The following PCNX3 variants were observed in gnomAD, a reference collection of about 807,000 sequenced individuals.
PCNX3 encodes pecanex 3, also known as pecanex-like protein 3.
PCNX3 carries 58 observed loss-of-function variants against 207.2 expected under a neutral mutation model. The ratio of observed to expected loss-of-function variants is 0.28; its 90% CI spans 0.23 to 0.35. PCNX3 has a LOEUF of 0.35. Among genes scored for constraint, PCNX3 ranks in the 10% least tolerant of loss-of-function variants. PCNX3 has a pLI of 1.00. For synonymous variants in PCNX3, 1,337 were observed against 1,183.5 expected (o/e 1.13, Z -2.66); for missense variants, 2,410 against 2,774.4 (o/e 0.87, Z 2.95).
In PCNX3 at chr11:65,618,533, C is replaced by T. The variant is rs769740270; in HGVS notation, c.1171C>T (p.Pro391Ser). 7 of 1,611,248 alleles carry T rather than the reference C, an allele frequency of 4.3e-6. 1 individual carries two copies. The highest frequency in any genetic ancestry group is 1.7e-4 in the Middle Eastern group (1 of 6,056). The change falls in exon 6 of 35, where the codon CCT becomes TCT. Residue 391 changes from proline (P) to serine (S), a missense_variant. Physicochemically the swap from Pro to Ser is moderately conservative, Grantham distance 74. Transcript: ENST00000355703. ...GCCCAAGGACTTGGCCCTGCTACGG[C>T]CTAGCAAACGGCAGCCACCCCTGCG... is the stretch of plus-strand genomic sequence containing the variant. ...VRPKDLALLRPSKRQPPLRRH... is the reference protein window; with the variant it reads ...VRPKDLALLRSSKRQPPLRRH...
intron 20 of PCNX3, chr11:65,626,282 G>A (rs1203798731): frequency 1.4e-6 from 1 of 696,804 alleles, no homozygotes; most frequent in Non-Finnish European, 2.6e-6. Context: ...TGTTGCCCTG[G>A]TCCTGCCCTC....
rs1172838033 is a variant in PCNX3, at chr11:65,634,994, C to T, written c.4827C>T (p.Gly1609=). ...TTAGCCTGGAGCCCTTCCTCTACGG[C>T]CTGCACGCCCTGTTCAAGGGGGATT... ...MSASLEPFLY[G]LHALFKGDFR... The change falls in exon 30 of 35, where the codon GGC becomes GGT. Residue 1609 remains glycine, a synonymous_variant. Coordinates refer to ENST00000355703, the MANE Select transcript of PCNX3 (RefSeq NM_032223.4). The T allele has an allele frequency of 3.1e-6, 5 of 1,613,690 alleles. No homozygotes were observed. In the East Asian group the frequency reaches 8.9e-5, roughly 29 times the overall value.
At position 65,626,070 on chromosome 11, in the gene PCNX3, T is replaced by G; in HGVS notation, c.3379+16T>G. The G allele has an allele frequency of 6.3e-7, 1 of 1,587,438 alleles. No homozygotes were observed. Among genetic ancestry groups the G allele is most frequent in the Non-Finnish European group, 8.6e-7 (1 of 1,168,542 alleles). ...GAAGTGCGCGGTGAGTGCCCACCCC[T>G]GATGGCCAGGCCTGGGCAGTGGCTC... On this transcript the variant is annotated intron_variant, in intron 20 of 34. Transcript: ENST00000355703.
chr11:65,623,706 C>T, intron 12 of PCNX3, 62 bp downstream of exon 12: 2 of 1,587,264 alleles, frequency 1.3e-6, no homozygotes, highest in Non-Finnish European at 1.7e-6. Context: ...GCCCTTCCCA[C>T]AACTCCAGTT....
Position 65,625,151 on chromosome 11 carries a change from A to G in PCNX3, c.2920-20A>G. 1 of 1,587,862 alleles carries G rather than the reference A, an allele frequency of 6.3e-7. No individual in the cohort carries two copies. The highest frequency in any genetic ancestry group is 8.6e-7 in the Non-Finnish European group (1 of 1,163,204). On this transcript the variant is annotated intron_variant, in intron 16 of 34. Transcript: ENST00000355703. This position sits in a 1 kb window ranked among gnomAD's most constrained non-coding sequence, Gnocchi z 5.6. ...CATGCTTACCTCACCTCCCCTGACCAGCATGGATTCTCTCCGCAGACTCCG... is the reference window on the plus strand; with the variant it reads ...CATGCTTACCTCACCTCCCCTGACCGGCATGGATTCTCTCCGCAGACTCCG...
Position 65,621,862 on chromosome 11 carries a change from G to A in PCNX3, c.2236-383G>A, listed in dbSNP as rs1026310625. Among the ~76,000 whole-genome samples the A allele has an allele frequency of 3.9e-5, 6 of 152,378 alleles. No individual in the cohort carries two copies. The South Asian group carries it at 1.2e-3, about 32-fold the overall frequency. ...CTCGGATGGGGTAGTCAGAGTGACA[G>A]TGACAGGCCCTGTCTGGGAGGAGGG... On this transcript the variant is annotated intron_variant, in intron 10 of 34. Coordinates refer to ENST00000355703, the MANE Select transcript of PCNX3 (RefSeq NM_032223.4).
rs192097411 is a variant in PCNX3, at chr11:65,622,596, C to T, written c.2357+230C>T. 2.0e-4 allele frequency among the ~76,000 whole-genome samples: 30 copies of T among 151,988 alleles called. No homozygotes were observed. The East Asian group carries it at 5.2e-3, about 26-fold the overall frequency. ...TAAATCTGTTTATTCCAAAGTCCTG[C>T]TGAAAAAAACTTTTTTTGAGACGGA... On this transcript the variant is annotated intron_variant, in intron 11 of 34. Transcript: ENST00000355703.
In PCNX3 at chr11:65,618,874, G is replaced by A. The variant is rs1243817552; in HGVS notation, c.1512G>A (p.Leu504=). The change falls in exon 6 of 35, where the codon CTG becomes CTA. Residue 504 remains leucine, a synonymous_variant. Transcript: ENST00000355703. ...GCGCTAAAACACATGCCCGTGTGCT[G>A]AGCATGGATGGGGCTGGGGGTGATG... The part of the protein sequence containing the change: ...TASAKTHARV[L]SMDGAGGDVL... The A allele has an allele frequency of 5.6e-6, 9 of 1,610,704 alleles. No individual in the cohort carries two copies. The highest frequency in any genetic ancestry group is 6.8e-6 in the Non-Finnish European group (8 of 1,179,112).
At chr11:65,617,066 A>C in intron 2 of PCNX3, 55 bp downstream of exon 2, 15 of 1,523,798 alleles carry the variant, frequency 9.8e-6, no homozygotes. Context: ...CCTGGGCCGG[A>C]ACCTTGCAGG....
chr11:65,634,418 C>A, intron 28 of PCNX3, 62 bp downstream of exon 28: 1 of 1,511,102 alleles, frequency 6.6e-7, no homozygotes, highest in Non-Finnish European at 8.9e-7. Flanking sequence ...CCCTGCTCCC[C>A]TTCTCCCCAT....
chr11:65,623,177 G>A (rs569552179), intron 11 of PCNX3, among the ~76,000 whole-genome samples: 2 of 152,328 alleles, frequency 1.3e-5, no homozygotes, highest in Admixed American at 6.5e-5. Context: ...CAGCATGCAC[G>A]ATGTAGCCAC....
intron 24 of PCNX3, among the ~76,000 whole-genome samples, 162 bp downstream of exon 24, chr11:65,629,110 A>G (rs992029264): frequency 2.0e-5 from 3 of 152,186 alleles, no homozygotes; most frequent in African/African-American, 7.2e-5. Flanking sequence ...GAGAGCCTGC[A>G]CCAGGCCAAG....
chr11:65,635,880 G>A lies in PCNX3; in HGVS notation c.5459+77G>A. ...GTACGTCCCTCCTGGGTCTCAGAGG[G>A]AGGACGTGCTGGAGCCAGGGCTTGA... On this transcript the variant is annotated intron_variant, in intron 32 of 34. Coordinates refer to ENST00000355703, the MANE Select transcript of PCNX3 (RefSeq NM_032223.4). This position sits in a 1 kb window ranked among gnomAD's most constrained non-coding sequence, Gnocchi z 9.9. 6.7e-7 allele frequency: 1 copy of A among 1,490,982 alleles called. No homozygotes were observed. Among genetic ancestry groups the A allele is most frequent in the Admixed American group, 2.2e-5 (1 of 45,554 alleles). 92.4% of individuals were successfully genotyped at this position (1,490,982 alleles called of 1,614,324 possible).
chr11:65,624,082 G>A, intron 13 of PCNX3, 113 bp from the exon 14 acceptor site: 1 of 1,569,412 alleles, frequency 6.4e-7, no homozygotes, highest in African/African-American at 1.3e-5. Context: ...ACCCCCACCT[G>A]GCCAGGCTCT....
Position 65,636,893 on chromosome 11 carries a change from C to G in PCNX3, c.6020C>G (p.Pro2007Arg). 1 of 1,554,378 alleles carries G rather than the reference C, an allele frequency of 6.4e-7. No individual in the cohort carries two copies. Residue 2007 changes from proline (P) to arginine (R), a missense_variant, in exon 35 of 35, where the codon CCT becomes CGT. Physicochemically the swap from Pro to Arg is moderately radical, Grantham distance 103. Around this residue, in one of 8 missense-constraint regions of PCNX3, gnomAD observed 278 missense variants for 245.1 expected, o/e 1.13. Transcript: ENST00000355703. ...AGCAGTGCCCCTGAGAGTGGCACACCTATGGGTGCCCTGGGCGACTGGCCT... is the reference window on the plus strand; with the variant it reads ...AGCAGTGCCCCTGAGAGTGGCACACGTATGGGTGCCCTGGGCGACTGGCCT... ...LDSSAPESGT[P>R]MGALGDWPAP...
At position 65,616,916 on chromosome 11, in the gene PCNX3, T is replaced by C; in HGVS notation, c.246T>C (p.His82=). The change falls in exon 2 of 35, where the codon CAT becomes CAC. Residue 82 remains histidine, a synonymous_variant. Transcript: ENST00000355703. ...TCAAGACTGTCAATTATCGGCTTCA[T>C]GCCATGTTTGACCAGGGCGAGATCG... is the stretch of plus-strand genomic sequence containing the variant. ...ATIKTVNYRL[H]AMFDQGEIVE... is the part of the protein sequence containing the mutation. 2 of 1,613,614 alleles carry C rather than the reference T, an allele frequency of 1.2e-6. No individual in the cohort carries two copies. Among genetic ancestry groups the C allele is most frequent in the Non-Finnish European group, 1.7e-6 (2 of 1,179,858 alleles).
chr11:65,622,440 T>G (rs1436599724), intron 11 of PCNX3, 74 bp downstream of exon 11: 34 of 1,474,052 alleles, frequency 2.3e-5, no homozygotes, highest in Non-Finnish European at 1.4e-5. Context: ...TCTGTACCTG[T>G]GGAGGCAGTC....
At chr11:65,617,822 C>A in intron 5 of PCNX3, 116 bp downstream of exon 5, 2 of 1,459,592 alleles carry the variant, frequency 1.4e-6, no homozygotes, top group Non-Finnish European at 1.9e-6. Context: ...GGGACCTCCC[C>A]AGTGTGCTGC....
At chr11:65,629,821 C>A (rs1855548381) in intron 26 of PCNX3, 86 bp downstream of exon 26, 1 of 1,409,674 alleles carries the variant, frequency 7.1e-7, no homozygotes, top group Non-Finnish European at 9.7e-7. Context: ...CGAAGGAGGT[C>A]CAGTCCAGCT....
Sources: allele counts gnomAD v4.1 joint callset (sites outside exome capture counted in the v4.1 genomes callset), GRCh38; gene constraint gnomAD v4.1.1; regional missense constraint gnomAD v4.1.1; non-coding constraint Gnocchi (gnomAD v3.1); transcripts MANE v1.5; gene names NCBI Gene and HGNC (gene_info 2026-07-23, HGNC 2026-07-21).